Variants in THSD4 observed in about 807,000 individuals in gnomAD.
THSD4 encodes thrombospondin type-1 domain-containing protein 4.
In THSD4, 69 loss-of-function variants were observed where a neutral mutation model predicts 119.0. The observed-to-expected ratio is 0.58, with a 90% confidence interval of 0.48 to 0.71. THSD4 has a LOEUF of 0.71. Ranked by LOEUF, THSD4 falls within the 30% of genes least tolerant of loss-of-function variation. The pLI is 0.00. For synonymous variants in THSD4, 524 were observed against 540.4 expected (o/e 0.97, Z 0.42); for missense variants, 1,393 against 1,391.1 (o/e 1.00, Z -0.02).
intron 6 of THSD4, among the ~76,000 whole-genome samples, chr15:71,301,150 TAG>T (rs2140337603): frequency 6.6e-6 from 1 of 152,270 alleles, no homozygotes; most frequent in East Asian, 1.9e-4. Flanking sequence ...TCAGCAGAAA[TAG>T]AGACTAAAAG....
intron 7 of THSD4, among the ~76,000 whole-genome samples, chr15:71,450,669 T>C (rs1409594051): frequency 2.0e-5 from 3 of 152,248 alleles, no homozygotes; most frequent in Admixed American, 2.0e-4. Context: ...CAAGCCCCCA[T>C]TTCACTTGGT....
At chr15:71,231,295 T>G (rs1338662709) in intron 4 of THSD4, among the ~76,000 whole-genome samples, 1 of 152,206 alleles carries the variant, frequency 6.6e-6, no homozygotes. Context: ...ATTCTTAAGG[T>G]TGCTGCTCTG....
chr15:71,317,960 TGA>T (rs1482201292), intron 6 of THSD4, among the ~76,000 whole-genome samples: 1 of 152,122 alleles, frequency 6.6e-6, no homozygotes, highest in East Asian at 1.9e-4. Flanking sequence ...CAGTGTCCCT[TGA>T]GATCCTCACT....
At chr15:71,741,497 C>A (rs11629772) in intron 11 of THSD4, among the ~76,000 whole-genome samples, 99,508 of 151,704 alleles carry the variant, frequency 0.66, 34,410 homozygotes, top group East Asian at 0.91. Context: ...CGTCTCAAAA[C>A]AAAACAAAAC....
intron 6 of THSD4, among the ~76,000 whole-genome samples, chr15:71,288,308 G>C (rs1301787034): frequency 2.0e-5 from 3 of 152,164 alleles, no homozygotes; most frequent in African/African-American, 7.2e-5. Flanking sequence ...GGAAATACCA[G>C]CTTGGAATTC....
intron 16 of THSD4, among the ~76,000 whole-genome samples, 182 bp from the exon 17 acceptor site, chr15:71,770,882 G>A (rs921336584): frequency 6.6e-6 from 1 of 152,156 alleles, no homozygotes; most frequent in African/African-American, 2.4e-5. Context: ...CTGGGGATAT[G>A]GATAGGACAC....
intron 8 of THSD4, among the ~76,000 whole-genome samples, chr15:71,683,184 A>C (rs1404574751): frequency 2.0e-5 from 3 of 151,556 alleles, no homozygotes; most frequent in Non-Finnish European, 4.4e-5. Context: ...GACCTCCCAA[A>C]GTGCTAGGAT....
At chr15:71,276,155 A>G (rs1170385149) in intron 6 of THSD4, among the ~76,000 whole-genome samples, 2 of 152,024 alleles carry the variant, frequency 1.3e-5, no homozygotes, top group African/African-American at 2.4e-5. Context: ...GGGAAGGTGC[A>G]CCCCTCTTTC....
At chr15:71,588,131 C>T (rs2049719153) in intron 7 of THSD4, among the ~76,000 whole-genome samples, 1 of 151,422 alleles carries the variant, frequency 6.6e-6, no homozygotes, top group Admixed American at 6.6e-5. Context: ...ATGGTGAAAC[C>T]CCGTCTCTAC....
At chr15:71,396,248 A>C (rs2046453883) in intron 6 of THSD4, among the ~76,000 whole-genome samples, 1 of 151,780 alleles carries the variant, frequency 6.6e-6, no homozygotes, top group Non-Finnish European at 1.5e-5. Flanking sequence ...ACATGCATAC[A>C]TAATATACAC....
chr15:71,675,191 A>G (rs2051616298), intron 8 of THSD4, among the ~76,000 whole-genome samples: 1 of 152,114 alleles, frequency 6.6e-6, no homozygotes, highest in Non-Finnish European at 1.5e-5. Context: ...CCATCTTAAA[A>G]TGCCCTTTTA....
At chr15:71,625,269 A>G (rs1008487630) in intron 7 of THSD4, among the ~76,000 whole-genome samples, 7 of 151,974 alleles carry the variant, frequency 4.6e-5, no homozygotes, top group Non-Finnish European at 1.0e-4. Flanking sequence ...TGGCCTCCCA[A>G]AGTGCTGGGA....
intron 4 of THSD4, among the ~76,000 whole-genome samples, chr15:71,220,699 A>C (rs769943627): frequency 5.3e-5 from 8 of 152,184 alleles, no homozygotes; most frequent in Non-Finnish European, 1.2e-4. Context: ...TACCAGTTAG[A>C]ACTCAAGTGC....
intron 7 of THSD4, among the ~76,000 whole-genome samples, chr15:71,522,320 G>C (rs1280225376): frequency 1.3e-5 from 2 of 151,992 alleles, no homozygotes; most frequent in South Asian, 2.1e-4. Context: ...AAGTTATTTA[G>C]ATTAGCCAAC....
intron 10 of THSD4, chr15:71,731,828 G>C (rs1026529658): frequency 2.6e-5 from 4 of 153,048 alleles, no homozygotes; most frequent in Admixed American, 6.5e-5. Flanking sequence ...TAGAGCTCTG[G>C]AGGTTAGAAG....
At chr15:71,105,195 C>T (rs2040269524) in intron 1 of THSD4, among the ~76,000 whole-genome samples, 1 of 152,114 alleles carries the variant, frequency 6.6e-6, no homozygotes, top group Non-Finnish European at 1.5e-5. Flanking sequence ...AATCACCAGG[C>T]CAGGTCTCTA....
intron 11 of THSD4, among the ~76,000 whole-genome samples, chr15:71,740,726 A>G (rs1280173571): frequency 1.3e-5 from 2 of 152,266 alleles, no homozygotes; most frequent in African/African-American, 4.8e-5. Context: ...AGGTTTTGAT[A>G]GACTGAAGGC....
At chr15:71,332,908 T>TTTTTTTTTTTTTTTTTTTTA (rs2045443482) in intron 6 of THSD4, among the ~76,000 whole-genome samples, 1 of 140,592 alleles carries the variant, frequency 7.1e-6, no homozygotes, top group Non-Finnish European at 1.6e-5. Context: ...TTTTTTTTTT[T>TTTTTTTTTTTTTTTTTTTTA]AGTTCATCAG....
In THSD4 at chr15:71,384,101, C is replaced by T. The variant is rs757566900; in HGVS notation, c.1016-27586C>T. ...TAGGGCAAAGAAACTATTTTGTGGC[C>T]GGGCGCGGTGGCTCACGCCTGTAAT... is the stretch of plus-strand genomic sequence containing the variant. On this transcript the variant is annotated intron_variant, in intron 6 of 17. Transcript: ENST00000261862. 1.2e-3 allele frequency among the ~76,000 whole-genome samples: 179 copies of T among 152,298 alleles called. 4 individuals carry two copies. Among genetic ancestry groups the T allele is most frequent in the Middle Eastern group, 6.8e-3 (2 of 294 alleles).
Sources: gnomAD v4.1 joint callset for allele counts (sites outside exome capture counted in the v4.1 genomes callset) on GRCh38, gnomAD v4.1.1 for gene constraint, MANE v1.5 for transcripts, NCBI Gene and HGNC (gene_info 2026-07-23, HGNC 2026-07-21) for gene names.